Variants in LAMA5 observed in about 807,000 individuals in gnomAD.
LAMA5 encodes laminin subunit alpha 5, also known as laminin subunit alpha-5.
A neutral mutation model predicts 433.4 loss-of-function variants in LAMA5; 260 were observed. The ratio of observed to expected loss-of-function variants is 0.60; its 90% CI spans 0.54 to 0.66. The LOEUF (loss-of-function observed/expected upper bound fraction) is 0.66. LAMA5 is among the 30% of genes least tolerant of loss of function. The pLI is 0.00. For synonymous variants in LAMA5, 2,620 were observed against 2,226.6 expected (o/e 1.18, Z -4.97); for missense variants, 5,378 against 5,258.5 (o/e 1.02, Z -0.70).
At position 62,317,336 on chromosome 20, in the gene LAMA5, G is replaced by C. The variant is rs1309256966; in HGVS notation, c.7511+9C>G. The C allele has an allele frequency of 6.2e-7, 1 of 1,600,454 alleles. No individual in the cohort carries two copies. Among genetic ancestry groups the C allele is most frequent in the Admixed American group, 1.7e-5 (1 of 58,978 alleles). On this transcript the variant is annotated intron_variant, in intron 55 of 79. Coordinates refer to ENST00000252999, the MANE Select transcript of LAMA5 (RefSeq NM_005560.6). Reference sequence around the variant, plus strand: ...TGGGCCCAGGGCCCCTCCTCTCCTGGCCACCCACCTGGACAGATTGAGTGC... The same window carrying C: ...TGGGCCCAGGGCCCCTCCTCTCCTGCCCACCCACCTGGACAGATTGAGTGC...
intron 1 of LAMA5, among the ~76,000 whole-genome samples, chr20:62,362,761 C>T (rs1986284466): frequency 6.6e-6 from 1 of 152,124 alleles, no homozygotes; most frequent in South Asian, 2.1e-4. Flanking sequence ...GTGAGCTGCT[C>T]ACGGCGCTAA....
intron 43 of LAMA5, 98 bp downstream of exon 43, chr20:62,323,982 G>T: frequency 2.8e-6 from 4 of 1,419,608 alleles, no homozygotes; most frequent in Non-Finnish European, 3.8e-6. Context: ...ACCTCCAGCT[G>T]TCCAGGCCTC....
intron 1 of LAMA5, among the ~76,000 whole-genome samples, chr20:62,362,753 G>A (rs1986283599): frequency 6.6e-6 from 1 of 152,152 alleles, no homozygotes; most frequent in Non-Finnish European, 1.5e-5. Flanking sequence ...TGGCTCATGT[G>A]AGCTGCTCAC....
Position 62,338,114 on chromosome 20 carries a change from C to A in LAMA5, c.1793G>T (p.Gly598Val). The A allele has an allele frequency of 1.9e-6, 3 of 1,597,202 alleles. No homozygotes were observed. The highest frequency in any genetic ancestry group is 2.3e-5 in the South Asian group (2 of 88,772). ...GCSPAGTLPE[G>V]CDEAGRCLCQ... is the part of the protein sequence containing the mutation. ...TAGGCAGCGGCCGGCCTCATCGCAGCCCTCGGGCAAGGTTCCTGCAGGGCT... is the reference window on the plus strand; with the variant it reads ...TAGGCAGCGGCCGGCCTCATCGCAGACCTCGGGCAAGGTTCCTGCAGGGCT... Residue 598 changes from glycine (G) to valine (V), a missense_variant, in exon 14 of 80, where the codon GGC becomes GTC. Physicochemically the swap from Gly to Val is moderately radical, Grantham distance 109. Coordinates refer to ENST00000252999, the MANE Select transcript of LAMA5 (RefSeq NM_005560.6).
At chr20:62,345,705 G>A in intron 11 of LAMA5, 113 bp downstream of exon 11, 1 of 765,684 alleles carries the variant, frequency 1.3e-6, no homozygotes, top group African/African-American at 1.7e-5. Flanking sequence ...AAAGAAATAA[G>A]CCAAAAATAA....
intron 2 of LAMA5, 53 bp downstream of exon 2, chr20:62,362,347 G>C: frequency 7.2e-7 from 1 of 1,397,552 alleles, no homozygotes; most frequent in Non-Finnish European, 9.4e-7. Flanking sequence ...AGGTAGGCCC[G>C]ACGGGCACAG....
intron 40 of LAMA5, 81 bp from the exon 41 acceptor site, chr20:62,325,627 G>A: frequency 1.1e-6 from 1 of 915,320 alleles, no homozygotes; most frequent in Non-Finnish European, 1.7e-6. Context: ...CCCCAACCCT[G>A]TAGGGGATGG....
intron 16 of LAMA5, 143 bp downstream of exon 16, chr20:62,337,447 C>A (rs117007316): frequency 1.7e-6 from 2 of 1,159,736 alleles, no homozygotes; most frequent in East Asian, 2.6e-5. Context: ...GAACAAGGTG[C>A]GAACACAGAG....
At chr20:62,316,314 G>A (rs373373591) in intron 57 of LAMA5, 3 of 568,982 alleles carry the variant, frequency 5.3e-6, no homozygotes, top group Admixed American at 3.2e-5. Context: ...AGGCTCAGAA[G>A]AGACAGCCCT....
intron 52 of LAMA5, 90 bp downstream of exon 52, chr20:62,318,753 C>T (rs1987329523): frequency 3.2e-6 from 5 of 1,569,380 alleles, no homozygotes; most frequent in Non-Finnish European, 4.3e-6. Context: ...CCGTGATGCC[C>T]ACCTGATGCC....
In LAMA5 at chr20:62,330,537, G is replaced by T. The variant is rs777262295; in HGVS notation, c.3930C>A (p.His1310Gln). ...AFLLHGYQPA[H>Q]PTFPVEVLIN... ...TGAGGACTTCCACGGGGAAGGTGGG[G>T]TGGGCTGGCTGGTAGCCGTGCAGCA... is the stretch of plus-strand genomic sequence containing the variant. The change falls in exon 31 of 80, where the codon CAC becomes CAA. Residue 1310 changes from histidine (H) to glutamine (Q), a missense_variant. His to Gln is a conservative substitution (Grantham distance 24, BLOSUM62 0). Coordinates refer to ENST00000252999, the MANE Select transcript of LAMA5 (RefSeq NM_005560.6). 18 of 1,581,320 alleles carry T rather than the reference G, an allele frequency of 1.1e-5. No individual in the cohort carries two copies. The highest frequency in any genetic ancestry group is 3.7e-5 in the Admixed American group (2 of 53,952).
intron 16 of LAMA5, among the ~76,000 whole-genome samples, chr20:62,337,188 T>TGAGAC (rs1452869239): frequency 2.2e-5 from 2 of 92,244 alleles, no homozygotes; most frequent in African/African-American, 4.3e-5. Context: ...CGCACCCACT[T>TGAGAC]ATGCGATACG....
chr20:62,366,802 G>T, intron 1 of LAMA5, 147 bp downstream of exon 1: 1 of 1,117,504 alleles, frequency 8.9e-7, no homozygotes, highest in Non-Finnish European at 1.1e-6. Flanking sequence ...CGGCCGGGTC[G>T]GGGTGCCTTC....
Position 62,331,008 on chromosome 20 carries a change from C to T in LAMA5, c.3650+24G>A, listed in dbSNP as rs577550296. ...CCGCCGGGCCCTCGGCCGCGCCCCT[C>T]CCAGCCCCATTACCTGCCATTACCT... On this transcript the variant is annotated intron_variant, in intron 29 of 79. Coordinates refer to ENST00000252999, the MANE Select transcript of LAMA5 (RefSeq NM_005560.6). 42 of 1,588,208 alleles carry T rather than the reference C, an allele frequency of 2.6e-5. No homozygotes were observed. The African/African-American group carries it at 5.1e-4, about 19-fold the overall frequency.
At chr20:62,326,615 C>A in intron 40 of LAMA5, 62 bp downstream of exon 40, 1 of 1,364,740 alleles carries the variant, frequency 7.3e-7, no homozygotes, top group Non-Finnish European at 1.0e-6. Flanking sequence ...GGACCCCTTC[C>A]GGCCTTCCCA....
chr20:62,343,701 G>A (rs1374629522), intron 11 of LAMA5, among the ~76,000 whole-genome samples: 3 of 147,658 alleles, frequency 2.0e-5, no homozygotes, highest in Non-Finnish European at 3.0e-5. Context: ...ACTTGAACTC[G>A]GGGGGCAGAG....
Position 62,311,301 on chromosome 20 carries a change from G to C in LAMA5, c.9949C>G (p.Arg3317Gly), listed in dbSNP as rs373538634. The C allele has an allele frequency of 1.3e-6, 2 of 1,576,468 alleles. No homozygotes were observed. Among genetic ancestry groups the C allele is most frequent in the African/African-American group, 2.7e-5 (2 of 73,876 alleles). ...TGCCGGGCGGGCTGACGGCTGCGGCGGGAGGCCTGGGGGCGTGGATGGTGA... is the reference window on the plus strand; with the variant it reads ...TGCCGGGCGGGCTGACGGCTGCGGCCGGAGGCCTGGGGGCGTGGATGGTGA... ...GLQATARKAS[R>G]RSRQPARHPA... is the part of the protein sequence containing the mutation. The change falls in exon 73 of 80, where the codon CGC (arginine) becomes GGC (glycine). Residue 3317 changes from arginine (R) to glycine (G), a missense_variant. By Grantham distance (125) the Arg-to-Gly change is moderately radical (BLOSUM62 -2). Transcript: ENST00000252999.
intron 11 of LAMA5, among the ~76,000 whole-genome samples, chr20:62,342,961 C>T (rs1188673353): frequency 6.6e-6 from 1 of 152,224 alleles, no homozygotes; most frequent in Non-Finnish European, 1.5e-5. Flanking sequence ...GAATACTGTA[C>T]AGCCACAGGT....
intron 11 of LAMA5, among the ~76,000 whole-genome samples, chr20:62,340,699 A>G (rs1343237328): frequency 6.6e-6 from 1 of 152,178 alleles, no homozygotes; most frequent in Non-Finnish European, 1.5e-5. Flanking sequence ...AAGTGGTCAC[A>G]TTCTGGATTA....
Sources: gnomAD v4.1 joint callset for allele counts (sites outside exome capture counted in the v4.1 genomes callset) on GRCh38, gnomAD v4.1.1 for gene constraint, MANE v1.5 for transcripts, NCBI Gene and HGNC (gene_info 2026-07-23, HGNC 2026-07-21) for gene names.